The following TMEM181 variants were observed in gnomAD, a reference collection of about 807,000 sequenced individuals.
The protein encoded by TMEM181 is G protein-coupled receptor 178.
A neutral mutation model predicts 71.9 loss-of-function variants in TMEM181; 39 were observed. The ratio of observed to expected loss-of-function variants is 0.54; its 90% CI spans 0.42 to 0.71. TMEM181 has a LOEUF of 0.71. Among genes scored for constraint, TMEM181 ranks in the 30% least tolerant of loss-of-function variants. The pLI is 0.00. For synonymous variants in TMEM181, 245 were observed against 228.8 expected, an observed-to-expected ratio of 1.07 and a Z score of -0.64; for missense variants, 595 against 583.0, an observed-to-expected ratio of 1.02 and a Z score of -0.21.
chr6:158,550,711 T>A (rs1371650913), intron 1 of TMEM181, among the ~76,000 whole-genome samples: 3 of 151,946 alleles, frequency 2.0e-5, no homozygotes, highest in Admixed American at 1.3e-4. Context: ...AACAGAGTAG[T>A]CCCCAATTTT....
intron 6 of TMEM181, among the ~76,000 whole-genome samples, chr6:158,592,476 C>CTT (rs11285085): frequency 2.0e-5 from 3 of 148,124 alleles, no homozygotes; most frequent in African/African-American, 5.0e-5. Flanking sequence ...GAGACCCCAT[C>CTT]TTTTTTTTTT....
intron 6 of TMEM181, among the ~76,000 whole-genome samples, chr6:158,592,429 G>A (rs1182208925): frequency 6.6e-6 from 1 of 151,956 alleles, no homozygotes. Context: ...AGGATTGCTT[G>A]AGCCCAGGAG....
upstream of TMEM181, among the ~76,000 whole-genome samples, chr6:158,557,890 G>A (rs1015594076): frequency 6.6e-6 from 1 of 152,182 alleles, no homozygotes; most frequent in Non-Finnish European, 1.5e-5. Context: ...CTGTCTATTC[G>A]TGTTGTGTTT....
chr6:158,634,349 CTT>C lies in TMEM181; in HGVS notation c.*2464_*2465del, dbSNP rs764106470. On this transcript the variant is annotated 3_prime_UTR_variant, in exon 17 of 17. Coordinates refer to ENST00000684151, the MANE Select transcript of TMEM181 (RefSeq NM_001376852.1). Reference sequence around the variant, plus strand: ...TTAAAACACTAAAGTCTGCCAGAAACTTTTGACAGTAGCAAGAAAATTGTTGA... The same window carrying C: ...TTAAAACACTAAAGTCTGCCAGAAACTTGACAGTAGCAAGAAAATTGTTGA... 6.6e-6 allele frequency: 1 copy of C among 152,148 alleles called. No individual in the cohort carries two copies. The highest frequency in any genetic ancestry group is 2.4e-5 in the African/African-American group (1 of 41,424). The allele number at this position is 152,148 out of a possible 1,614,324, so 9.4% of individuals were successfully genotyped here.
Position 158,607,311 on chromosome 6 carries a change from C to A in TMEM181, c.641C>A (p.Ser214Tyr). ...TGGGGCATCGAGCAGAAGTGGATGTCTGTTCTCCTGCCTCTGCTGCTACTT... is the reference window on the plus strand; with the variant it reads ...TGGGGCATCGAGCAGAAGTGGATGTATGTTCTCCTGCCTCTGCTGCTACTT... The part of the protein sequence containing the change: ...RDWGIEQKWM[S>Y]VLLPLLLLYN... Residue 214 changes from serine (S) to tyrosine (Y), a missense_variant, in exon 8 of 17, where the codon TCT becomes TAT. Physicochemically the swap from Ser to Tyr is moderately radical, Grantham distance 144. Coordinates refer to ENST00000684151, the MANE Select transcript of TMEM181 (RefSeq NM_001376852.1). 9.9e-6 allele frequency: 16 copies of A among 1,614,210 alleles called. No homozygotes were observed. The highest frequency in any genetic ancestry group is 1.4e-5 in the Non-Finnish European group (16 of 1,180,036).
At chr6:158,566,480 G>A (rs1782503572) in intron 1 of TMEM181, among the ~76,000 whole-genome samples, 1 of 108,154 alleles carries the variant, frequency 9.2e-6, no homozygotes, top group Non-Finnish European at 2.1e-5. Context: ...AGGTGATGGT[G>A]AGCTCCTGAG....
intron 1 of TMEM181, among the ~76,000 whole-genome samples, chr6:158,564,055 G>A (rs1284802449): frequency 2.0e-5 from 3 of 152,236 alleles, no homozygotes; most frequent in Non-Finnish European, 2.9e-5. Flanking sequence ...TGGGATTACA[G>A]GCATGAGCCA....
rs563532868 is a variant in TMEM181, at chr6:158,634,028, T to A, written c.*2140T>A. The stretch of plus-strand genomic sequence containing the variant: ...TAGCCATACACACACTAGAACTTTT[T>A]AAAACTTTGTCCTATAGTGTAATTA... On this transcript the variant is annotated 3_prime_UTR_variant, in exon 17 of 17. Coordinates refer to ENST00000684151, the MANE Select transcript of TMEM181 (RefSeq NM_001376852.1). 3 of 152,368 alleles carry A rather than the reference T, an allele frequency of 2.0e-5. No individual in the cohort carries two copies. Among genetic ancestry groups the A allele is most frequent in the Non-Finnish European group, 2.9e-5 (2 of 68,026 alleles). 9.4% of individuals were successfully genotyped at this position (152,368 alleles called of 1,614,324 possible). A position where few individuals can be genotyped will look rare whatever the true frequency, so the allele number is the denominator to read the frequency against.
At chr6:158,575,140 A>G (rs1458920684) in intron 2 of TMEM181, among the ~76,000 whole-genome samples, 2 of 152,206 alleles carry the variant, frequency 1.3e-5, no homozygotes, top group East Asian at 3.8e-4. Flanking sequence ...ACAATAGAAT[A>G]ATGTTTAACC....
At position 158,605,804 on chromosome 6, in the gene TMEM181, T is replaced by G. The variant is rs552114642; in HGVS notation, c.573+457T>G. Among the ~76,000 whole-genome samples, 72 of 152,306 alleles carry G rather than the reference T, an allele frequency of 4.7e-4. 1 individual carries two copies. The highest frequency in any genetic ancestry group is 4.4e-4 in the Non-Finnish European group (30 of 68,026). ...GCAGGCATTGGGCTCGTTTGGGATC[T>G]GAGGTTTGTGTCCACAAACCCACAT... is the stretch of plus-strand genomic sequence containing the variant. On this transcript the variant is annotated intron_variant, in intron 7 of 16. Coordinates refer to ENST00000684151, the MANE Select transcript of TMEM181 (RefSeq NM_001376852.1).
intron 1 of TMEM181, among the ~76,000 whole-genome samples, chr6:158,570,714 AG>A (rs1782758564): frequency 7.0e-6 from 1 of 142,708 alleles, no homozygotes; most frequent in South Asian, 2.2e-4. Context: ...GCTTCCCCTC[AG>A]GGGGGCACTT....
Position 158,545,312 on chromosome 6 carries a change from C to G in TMEM181, c.131+8447C>G, listed in dbSNP as rs564913810. On this transcript the variant is annotated intron_variant, in intron 1 of 16. Transcript: ENST00000367090. Reference sequence around the variant, plus strand: ...GAGGATTTATTTGCGACCCTGGGACCCACAACGGCACAGAATCATCACGTG... The same window carrying G: ...GAGGATTTATTTGCGACCCTGGGACGCACAACGGCACAGAATCATCACGTG... Among the ~76,000 whole-genome samples the G allele has an allele frequency of 1.6e-4, 24 of 152,382 alleles. 1 individual carries two copies. Among genetic ancestry groups the G allele is most frequent in the Admixed American group, 1.4e-3 (22 of 15,306 alleles).
upstream of TMEM181, among the ~76,000 whole-genome samples, chr6:158,555,103 T>C (rs559589530): frequency 1.4e-4 from 22 of 152,362 alleles, no homozygotes; most frequent in African/African-American, 5.1e-4. Context: ...GTAACAAATG[T>C]ATCTTTTGTT....
chr6:158,606,736 T>G (rs980619152), intron 7 of TMEM181, among the ~76,000 whole-genome samples: 2 of 152,362 alleles, frequency 1.3e-5, no homozygotes, highest in South Asian at 2.1e-4. Context: ...GTTACAAGAC[T>G]CCTACATTCT....
chr6:158,558,721 T>C (rs1181401327), upstream of TMEM181, among the ~76,000 whole-genome samples: 2 of 152,304 alleles, frequency 1.3e-5, no homozygotes, highest in East Asian at 1.9e-4. Flanking sequence ...AGGACTCAAG[T>C]AGGGAGGCAT....
Position 158,568,510 on chromosome 6 carries a change from TCAGGGACCCC to T in TMEM181, c.9-4900_9-4891del, listed in dbSNP as rs1163111552. Among the ~76,000 whole-genome samples, 14 of 151,942 alleles carry T rather than the reference TCAGGGACCCC, an allele frequency of 9.2e-5. No individual in the cohort carries two copies. The South Asian group carries it at 2.3e-3, about 25-fold the overall frequency. ...AGATGAGGAGAGGGAAGGCCTGGGG[TCAGGGACCCC>T]CAGGGACCCTCTCCTGTTCGTAGGC... On this transcript the variant is annotated intron_variant, in intron 1 of 16. Coordinates refer to ENST00000684151, the MANE Select transcript of TMEM181 (RefSeq NM_001376852.1).
intron 10 of TMEM181, among the ~76,000 whole-genome samples, chr6:158,621,836 A>C (rs748691157): frequency 2.2e-4 from 33 of 152,246 alleles, no homozygotes; most frequent in Non-Finnish European, 4.3e-4. Context: ...TTCAGGGGCT[A>C]CAGAGCACTT....
upstream of TMEM181, among the ~76,000 whole-genome samples, chr6:158,555,958 T>C (rs1025749659): frequency 6.6e-6 from 1 of 152,168 alleles, no homozygotes; most frequent in Non-Finnish European, 1.5e-5. Flanking sequence ...GTCACAAGCT[T>C]TAACTCAGCA....
At chr6:158,585,271 T>C (rs1192830370) in intron 4 of TMEM181, 33 bp from the exon 5 acceptor site, 1 of 1,556,732 alleles carries the variant, frequency 6.4e-7, no homozygotes, top group Non-Finnish European at 8.7e-7. Context: ...GTGCCTGGCA[T>C]GGTCTCTAAC....
Sources: allele counts gnomAD v4.1 joint callset (sites outside exome capture counted in the v4.1 genomes callset), GRCh38; gene constraint gnomAD v4.1.1; transcripts MANE v1.5; gene names NCBI Gene and HGNC (gene_info 2026-07-23, HGNC 2026-07-21).